The following TBXT variants were observed in gnomAD, a reference collection of about 807,000 sequenced individuals.
The protein encoded by TBXT is T brachyury transcription factor.
Under a neutral mutation model 41.1 loss-of-function variants are expected in TBXT, and 19 were observed. That is an observed-to-expected ratio of 0.46 (90% CI 0.32 to 0.68). TBXT has a LOEUF of 0.68. Among genes scored for constraint, TBXT ranks in the 30% least tolerant of loss-of-function variants. TBXT has a pLI of 0.03. For missense variants in TBXT, 536 were observed against 582.0 expected (o/e 0.92, Z 0.81); for synonymous variants, 213 against 238.9 (o/e 0.89, Z 1.00).
chr6:166,161,648 C>T (rs115082294), intron 6 of TBXT, among the ~76,000 whole-genome samples: 1,865 of 152,314 alleles, frequency 0.012, 40 homozygotes, highest in African/African-American at 0.042. Context: ...ACTGGCCAGG[C>T]GTGGTGGCTC....
At chr6:166,164,334 G>A (rs186762159) in intron 5 of TBXT, among the ~76,000 whole-genome samples, 97 of 152,328 alleles carry the variant, frequency 6.4e-4, no homozygotes, top group African/African-American at 1.9e-3. Flanking sequence ...ACCCAGCTAG[G>A]TCTCAATGAT....
intron 5 of TBXT, among the ~76,000 whole-genome samples, chr6:166,162,937 G>T (rs1179158345): frequency 6.6e-6 from 1 of 152,222 alleles, no homozygotes; most frequent in Non-Finnish European, 1.5e-5. Context: ...TTAGGACACA[G>T]TCTGCCTCAC....
At chr6:166,163,166 G>A (rs1363259151) in intron 5 of TBXT, among the ~76,000 whole-genome samples, 3 of 152,164 alleles carry the variant, frequency 2.0e-5, no homozygotes, top group East Asian at 3.9e-4. Context: ...CAGAGAGCAG[G>A]TGAGAGATGC....
chr6:166,163,567 G>A (rs911641710), intron 5 of TBXT, among the ~76,000 whole-genome samples: 2 of 152,162 alleles, frequency 1.3e-5, no homozygotes, highest in African/African-American at 4.8e-5. Flanking sequence ...ATTTTTAGTA[G>A]AGATGAGGTT....
chr6:166,164,193 A>G (rs1489665585), intron 5 of TBXT, among the ~76,000 whole-genome samples: 1 of 152,212 alleles, frequency 6.6e-6, no homozygotes, highest in East Asian at 1.9e-4. Context: ...TCCTAGAACC[A>G]AAGGGCTAAG....
At position 166,157,782 on chromosome 6, in the gene TBXT, TAC is replaced by T. The variant is rs931824704; in HGVS notation, c.*531_*532del. ...AGAGATTAGCTACATATGCTTAAAA[TAC>T]ACACATTCTAGGGGGCAGAGCAGTC... On this transcript the variant is annotated 3_prime_UTR_variant, in exon 8 of 8. Coordinates refer to ENST00000366876, the MANE Select transcript of TBXT (RefSeq NM_001366285.2). 1 of 161,112 alleles carries T rather than the reference TAC, an allele frequency of 6.2e-6. No individual in the cohort carries two copies. The highest frequency in any genetic ancestry group is 2.4e-5 in the African/African-American group (1 of 41,648). 10.0% of individuals were successfully genotyped at this position (161,112 alleles called of 1,614,324 possible). A position where few individuals can be genotyped will look rare whatever the true frequency, so the allele number is the denominator to read the frequency against.
At position 166,158,028 on chromosome 6, in the gene TBXT, A is replaced by G. The variant is rs1261247556; in HGVS notation, c.*287T>C. On this transcript the variant is annotated 3_prime_UTR_variant, in exon 8 of 8. Coordinates refer to ENST00000366876, the MANE Select transcript of TBXT (RefSeq NM_001366285.2). ...CAAAAAAAGTTTCTGGACCCTGGCA[A>G]ACATTTTTTCACCGTCAGTGAGGTT... 3 of 560,906 alleles carry G rather than the reference A, an allele frequency of 5.3e-6. No individual in the cohort carries two copies. The highest frequency in any genetic ancestry group is 6.3e-6 in the Non-Finnish European group (2 of 315,276). 34.7% of individuals were successfully genotyped at this position (560,906 alleles called of 1,614,324 possible).
At chr6:166,160,592 C>A (rs1016324437) in intron 7 of TBXT, among the ~76,000 whole-genome samples, 2 of 152,136 alleles carry the variant, frequency 1.3e-5, no homozygotes, top group Non-Finnish European at 2.9e-5. Flanking sequence ...AGCGCAGCTC[C>A]CATTCCACAC....
intron 2 of TBXT, among the ~76,000 whole-genome samples, chr6:166,166,268 C>A (rs942483497): frequency 6.6e-6 from 1 of 151,892 alleles, no homozygotes; most frequent in Non-Finnish European, 1.5e-5. Context: ...AGTACTGTGG[C>A]GCATGTTTAA....
intron 7 of TBXT, among the ~76,000 whole-genome samples, chr6:166,160,292 C>G (rs1778913896): frequency 6.6e-6 from 1 of 152,140 alleles, no homozygotes; most frequent in Non-Finnish European, 1.5e-5. Context: ...TACCAGTTAC[C>G]TAGCACATAT....
intron 7 of TBXT, among the ~76,000 whole-genome samples, chr6:166,159,672 C>G (rs1778893712): frequency 6.6e-6 from 1 of 152,218 alleles, no homozygotes; most frequent in South Asian, 2.1e-4. Flanking sequence ...TGGGAAATAA[C>G]CTTGTCTTTC....
In TBXT at chr6:166,167,602, G is replaced by A. The variant is rs1198430776; in HGVS notation, c.-11C>T. The A allele has an allele frequency of 1.3e-6, 2 of 1,546,830 alleles. No individual in the cohort carries two copies. The highest frequency in any genetic ancestry group is 1.7e-6 in the Non-Finnish European group (2 of 1,151,744). On this transcript the variant is annotated 5_prime_UTR_variant, in exon 1 of 8. Transcript: ENST00000366876. ...GCCAGGGGAGCTCATCCTCCCGTCC[G>A]GCTCCCCTCCCCGCCGTCCCCGAAG...
chr6:166,161,998 C>T (rs1054347962), intron 6 of TBXT, among the ~76,000 whole-genome samples: 5 of 152,226 alleles, frequency 3.3e-5, no homozygotes, highest in Admixed American at 1.3e-4. Flanking sequence ...AGACTGTGCC[C>T]ACTCTCGGGT....
At chr6:166,163,228 G>A (rs540289557) in intron 5 of TBXT, among the ~76,000 whole-genome samples, 3 of 152,260 alleles carry the variant, frequency 2.0e-5, no homozygotes, top group African/African-American at 7.2e-5. Flanking sequence ...TTCTCCTCCT[G>A]CCACCCACAG....
rs1336523510 is a variant in TBXT at position 166,158,064 on chromosome 6, C to T, written c.*251G>A. 6.5e-6 allele frequency: 4 copies of T among 610,770 alleles called. No individual in the cohort carries two copies. Among genetic ancestry groups the T allele is most frequent in the Non-Finnish European group, 1.1e-5 (4 of 349,518 alleles). 37.8% of individuals were successfully genotyped at this position (610,770 alleles called of 1,614,324 possible). On this transcript the variant is annotated 3_prime_UTR_variant, in exon 8 of 8. Coordinates refer to ENST00000366876, the MANE Select transcript of TBXT (RefSeq NM_001366285.2). The stretch of plus-strand genomic sequence containing the variant: ...ACCGTCAGTGAGGTTGGGCCAACTG[C>T]ATCATCTCCACAGTTGGGTTCATCT...
rs1026413208 is a variant in TBXT, at chr6:166,166,806, G to T, written c.257C>A (p.Ala86Asp). 6.2e-7 allele frequency: 1 copy of T among 1,613,914 alleles called. No individual in the cohort carries two copies. The highest frequency in any genetic ancestry group is 8.5e-7 in the Non-Finnish European group (1 of 1,180,056). ...GAAGTCCAGCAGGAAGGAGTACATG[G>T]CGTTGGGGTCCAGGCCAGACACGTT... Reference protein sequence around the residue: ...KVNVSGLDPNAMYSFLLDFVA... With the variant: ...KVNVSGLDPNDMYSFLLDFVA... Residue 86 changes from alanine (A) to aspartate (D), a missense_variant, in exon 2 of 8, where the codon GCC becomes GAC. By Grantham distance (126) the Ala-to-Asp change is moderately radical. Transcript: ENST00000366876.
intron 3 of TBXT, 30 bp downstream of exon 3, chr6:166,165,676 G>A (rs528104278): frequency 1.0e-4 from 164 of 1,612,972 alleles, no homozygotes; most frequent in Middle Eastern, 1.9e-4. Flanking sequence ...GCAGCACACC[G>A]GGAAAGCGAT....
chr6:166,160,867 C>T lies in TBXT; in HGVS notation c.1007G>A (p.Ser336Asn), dbSNP rs1211027967. The T allele has an allele frequency of 2.5e-6, 4 of 1,614,134 alleles. No homozygotes were observed. The South Asian group carries it at 3.3e-5, about 13-fold the overall frequency. The part of the protein sequence containing the change: ...MPAHPSMLPV[S>N]HNASPPTSSS... ...GCTGGTAGGTGGGCTGGCATTGTGG[C>T]TCACGGGGAGCATGCTGGGATGGGC... is the stretch of plus-strand genomic sequence containing the variant. Residue 336 changes from serine (S) to asparagine (N), a missense_variant, in exon 7 of 8, where the codon AGC (serine) becomes AAC (asparagine). Physicochemically the swap from Ser to Asn is conservative, Grantham distance 46 (BLOSUM62 1). Transcript: ENST00000366876.
chr6:166,167,742 G>T lies in TBXT; in HGVS notation c.-151C>A. 4.1e-6 allele frequency: 4 copies of T among 975,980 alleles called. No individual in the cohort carries two copies. The highest frequency in any genetic ancestry group is 4.6e-6 in the Non-Finnish European group (3 of 658,912). The allele number at this position is 975,980 out of a possible 1,614,324, so 60.5% of individuals were successfully genotyped here. ...CTCCCGGGTCCCGGGTCCCGGCACA[G>T]ACCCGGGAGGAGGGCGCGGACCAAG... On this transcript the variant is annotated 5_prime_UTR_variant, in exon 1 of 8. It adds an upstream start codon to the 5' untranslated region. Coordinates refer to ENST00000366876, the MANE Select transcript of TBXT (RefSeq NM_001366285.2).
Sources: allele counts gnomAD v4.1 joint callset (sites outside exome capture counted in the v4.1 genomes callset), GRCh38; gene constraint gnomAD v4.1.1; transcripts MANE v1.5; gene names NCBI Gene and HGNC (gene_info 2026-07-23, HGNC 2026-07-21).